COBL: variants seen among roughly 807,000 people sequenced by gnomAD.
COBL encodes the protein protein cordon-bleu.
In COBL, 51 loss-of-function variants were observed where a neutral mutation model predicts 98.8. That is an observed-to-expected ratio of 0.52 (90% CI 0.41 to 0.65). COBL has a LOEUF of 0.65. Among genes scored for constraint, COBL ranks in the 30% least tolerant of loss-of-function variants. COBL has a pLI of 0.00. For missense variants in COBL, 1,617 were observed against 1,617.5 expected (o/e 1.00, Z 0.01); for synonymous variants, 634 against 651.7 (o/e 0.97, Z 0.41).
At chr7:51,219,980 G>A (rs1445329014) in intron 1 of COBL, 36 bp from the exon 2 acceptor site, 1 of 1,581,250 alleles carries the variant, frequency 6.3e-7, no homozygotes, top group Non-Finnish European at 8.6e-7. Flanking sequence ...AGAGTCAGTG[G>A]CAATGTTCCT....
At chr7:51,201,239 CAAA>C (rs1157303332) in intron 2 of COBL, among the ~76,000 whole-genome samples, 1 of 57,862 alleles carries the variant, frequency 1.7e-5, no homozygotes, top group Non-Finnish European at 3.8e-5. Context: ...GACTCCGTCT[CAAA>C]AAAAAAAAAA....
chr7:51,091,408 C>A (rs2128949704), intron 6 of COBL, among the ~76,000 whole-genome samples: 1 of 152,238 alleles, frequency 6.6e-6, no homozygotes, highest in South Asian at 2.1e-4. Flanking sequence ...AGGAGTTCAA[C>A]AGCAGGCTGT....
chr7:51,266,664 T>G (rs1425674261), intron 1 of COBL, among the ~76,000 whole-genome samples: 1 of 152,206 alleles, frequency 6.6e-6, no homozygotes, highest in African/African-American at 2.4e-5. Context: ...TTGCAAGTAC[T>G]TCTACACAAA....
At chr7:51,286,240 TA>T (rs552758543) in intron 1 of COBL, among the ~76,000 whole-genome samples, 2,434 of 132,232 alleles carry the variant, frequency 0.018, 19 homozygotes, top group African/African-American at 0.028. Context: ...GCATAAAGTT[TA>T]AAAAAAAAAA....
chr7:51,208,518 G>A (rs558566709), intron 2 of COBL, among the ~76,000 whole-genome samples: 3 of 152,156 alleles, frequency 2.0e-5, no homozygotes, highest in Non-Finnish European at 2.9e-5. Flanking sequence ...CTGCTGGGAA[G>A]TGAGGAGCCC....
intron 6 of COBL, among the ~76,000 whole-genome samples, chr7:51,108,940 ACACACACACACACACACC>A (rs141617879): frequency 0.41 from 59,326 of 144,974 alleles, 11,847 homozygotes; most frequent in East Asian, 0.54. Flanking sequence ...ACACACACAC[ACACACACACACACACACC>A]CCCTGCCCCA....
intron 6 of COBL, among the ~76,000 whole-genome samples, chr7:51,134,745 A>T (rs1321248608): frequency 1.3e-5 from 2 of 152,182 alleles, no homozygotes; most frequent in African/African-American, 4.8e-5. Flanking sequence ...TATTATAAAA[A>T]AGTTCAGAAT....
chr7:51,083,082 C>G (rs988445440), intron 7 of COBL: 2 of 1,534,758 alleles, frequency 1.3e-6, no homozygotes, highest in Admixed American at 2.0e-5. Context: ...TCTGAGGCCT[C>G]GGAACCAGCG....
At chr7:51,243,924 G>A (rs189057910) in intron 1 of COBL, among the ~76,000 whole-genome samples, 10 of 152,248 alleles carry the variant, frequency 6.6e-5, no homozygotes, top group South Asian at 2.1e-4. Context: ...ACACAACCAC[G>A]GGGAAACTGG....
chr7:51,309,676 A>G (rs954481239), intron 1 of COBL, among the ~76,000 whole-genome samples: 1 of 152,206 alleles, frequency 6.6e-6, no homozygotes, highest in African/African-American at 2.4e-5. Flanking sequence ...ATGATTTTAG[A>G]GCTCACATGA....
At chr7:51,104,737 T>C (rs73697804) in intron 6 of COBL, among the ~76,000 whole-genome samples, 10,612 of 152,200 alleles carry the variant, frequency 0.07, 423 homozygotes, top group Middle Eastern at 0.17. Context: ...GATCTTGGTC[T>C]CACTCCTGTA....
intron 6 of COBL, among the ~76,000 whole-genome samples, chr7:51,130,637 T>C (rs1798650280): frequency 6.6e-6 from 1 of 152,216 alleles, no homozygotes; most frequent in Non-Finnish European, 1.5e-5. Flanking sequence ...GCCTTCCCAG[T>C]ACAGGGGCTG....
At chr7:51,078,026 G>A (rs1399714016) in intron 7 of COBL, among the ~76,000 whole-genome samples, 2 of 152,134 alleles carry the variant, frequency 1.3e-5, no homozygotes, top group Non-Finnish European at 1.5e-5. Context: ...CATGTGTAGT[G>A]CGCACTGCTG....
intron 5 of COBL, among the ~76,000 whole-genome samples, chr7:51,179,696 TGAA>T (rs1201487612): frequency 1.3e-5 from 2 of 152,172 alleles, no homozygotes; most frequent in Non-Finnish European, 2.9e-5. Context: ...AGGAACCTTA[TGAA>T]GAAGATCACA....
intron 7 of COBL, among the ~76,000 whole-genome samples, chr7:51,076,713 G>C (rs57287067): frequency 0.018 from 2,698 of 152,238 alleles, 74 homozygotes; most frequent in African/African-American, 0.061. Context: ...CCTTGTTGGG[G>C]GGGGTTGCTT....
At chr7:51,127,134 C>T (rs1043937504) in intron 6 of COBL, among the ~76,000 whole-genome samples, 6 of 152,198 alleles carry the variant, frequency 3.9e-5, no homozygotes, top group African/African-American at 1.4e-4. Context: ...AACCTCGTCG[C>T]TTGTGGTCCC....
chr7:51,087,145 T>C (rs868377777), intron 6 of COBL, among the ~76,000 whole-genome samples: 6 of 148,740 alleles, frequency 4.0e-5, no homozygotes, highest in Admixed American at 2.0e-4. Context: ...CACAGAGACA[T>C]ACACACACAC....
intron 2 of COBL, among the ~76,000 whole-genome samples, chr7:51,205,075 T>A (rs1791544048): frequency 6.6e-6 from 1 of 152,166 alleles, no homozygotes; most frequent in Non-Finnish European, 1.5e-5. Flanking sequence ...ATTGTTACAA[T>A]TTCCATATCT....
At chr7:51,233,127 T>G (rs2129107324) in intron 1 of COBL, among the ~76,000 whole-genome samples, 1 of 152,354 alleles carries the variant, frequency 6.6e-6, no homozygotes, top group Non-Finnish European at 1.5e-5. Context: ...TAAAAATTAT[T>G]TAATGGCTTC....
Sources: allele counts gnomAD v4.1 joint callset (sites outside exome capture counted in the v4.1 genomes callset), GRCh38; gene constraint gnomAD v4.1.1; transcripts MANE v1.5; gene names NCBI Gene and HGNC (gene_info 2026-07-23, HGNC 2026-07-21).